The following VEPH1 variants were observed in gnomAD, a reference collection of about 807,000 sequenced individuals.
VEPH1 encodes ventricular zone-expressed PH domain-containing protein homolog 1.
Under a neutral mutation model 85.2 loss-of-function variants are expected in VEPH1, and 80 were observed. The observed-to-expected ratio is 0.94, with a 90% CI of 0.78 to 1.13. The LOEUF (loss-of-function observed/expected upper bound fraction) is 1.13, where lower values mean the gene tolerates loss of function less well. Among genes scored for constraint, VEPH1 ranks in the 50% most tolerant of loss-of-function variants. The probability of loss-of-function intolerance (pLI) is 0.00; values close to 1 mark genes in which losing one functional copy is unlikely to be tolerated. For missense variants in VEPH1, 955 were observed against 980.5 expected (o/e 0.97, Z 0.35); for synonymous variants, 297 against 348.0 (o/e 0.85, Z 1.63).
At chr3:157,338,870 T>G (rs906000547) in intron 9 of VEPH1, among the ~76,000 whole-genome samples, 7 of 152,234 alleles carry the variant, frequency 4.6e-5, no homozygotes, top group African/African-American at 1.7e-4. Context: ...GCTCCTCATT[T>G]GTTGATTCAT....
chr3:157,261,040 A>G lies in VEPH1; in HGVS notation c.*94T>C. ...ATTCCATTGGTATTTAGTAAAAAAC[A>G]ACATGGCTTGGTAAATTTAGCTCTT... On this transcript the variant is annotated 3_prime_UTR_variant, in exon 14 of 14. Transcript: ENST00000362010. 6.6e-7 allele frequency: 1 copy of G among 1,524,354 alleles called. No individual in the cohort carries two copies. The highest frequency in any genetic ancestry group is 8.8e-7 in the Non-Finnish European group (1 of 1,132,120). The allele number at this position is 1,524,354 out of a possible 1,614,324, so 94.4% of individuals were successfully genotyped here.
intron 9 of VEPH1, among the ~76,000 whole-genome samples, chr3:157,332,979 A>C (rs1722641737): frequency 6.6e-6 from 1 of 152,144 alleles, no homozygotes; most frequent in Non-Finnish European, 1.5e-5. Flanking sequence ...TACAAACAAT[A>C]CTCAAATCAG....
intron 2 of VEPH1, among the ~76,000 whole-genome samples, chr3:157,492,561 C>A (rs190328568): frequency 6.6e-6 from 1 of 152,104 alleles, no homozygotes; most frequent in Non-Finnish European, 1.5e-5. Context: ...AGAGGTGAAG[C>A]CTGGTGCTTA....
chr3:157,452,882 A>G (rs915716243), intron 4 of VEPH1, among the ~76,000 whole-genome samples: 1 of 152,168 alleles, frequency 6.6e-6, no homozygotes, highest in East Asian at 1.9e-4. Context: ...TGTTGGCAAC[A>G]GTCCTGGGTT....
At chr3:157,281,805 G>C (rs1013999103) in intron 12 of VEPH1, among the ~76,000 whole-genome samples, 1 of 152,112 alleles carries the variant, frequency 6.6e-6, no homozygotes, top group Non-Finnish European at 1.5e-5. Flanking sequence ...CAAAGTGCTG[G>C]GATTACAGGC....
At chr3:157,437,518 C>G (rs749476083) in intron 4 of VEPH1, 1 of 1,605,006 alleles carries the variant, frequency 6.2e-7, no homozygotes, top group Non-Finnish European at 8.5e-7. Flanking sequence ...TCTAGCCACG[C>G]CGTGCGCCTG....
intron 4 of VEPH1, chr3:157,442,464 AT>A (rs1734202871): frequency 6.2e-7 from 1 of 1,614,100 alleles, no homozygotes; most frequent in Non-Finnish European, 8.5e-7. Context: ...TAGTGCCTGC[AT>A]TTGGGTCAAA....
At chr3:157,431,371 T>C (rs7609926) in intron 4 of VEPH1, among the ~76,000 whole-genome samples, 89,443 of 151,966 alleles carry the variant, frequency 0.59, 26,869 homozygotes, top group African/African-American at 0.7. Context: ...AGAGGCTGCC[T>C]GAATTTCTTG....
chr3:157,374,472 C>T (rs1328659805), intron 7 of VEPH1, among the ~76,000 whole-genome samples: 1 of 152,176 alleles, frequency 6.6e-6, no homozygotes, highest in African/African-American at 2.4e-5. Context: ...TCTCTTTGTA[C>T]GAACATGTCT....
intron 7 of VEPH1, among the ~76,000 whole-genome samples, chr3:157,375,088 G>A (rs1727937990): frequency 6.6e-6 from 1 of 152,100 alleles, no homozygotes; most frequent in Non-Finnish European, 1.5e-5. Flanking sequence ...ACTCTATTAC[G>A]CTCTACTATG....
At chr3:157,301,376 GT>G (rs917691663) in intron 11 of VEPH1, among the ~76,000 whole-genome samples, 2 of 151,996 alleles carry the variant, frequency 1.3e-5, no homozygotes, top group Non-Finnish European at 2.9e-5. Flanking sequence ...GTTTTGTTTT[GT>G]TTTTTCCTGG....
At chr3:157,263,706 G>A (rs113634594) in intron 13 of VEPH1, among the ~76,000 whole-genome samples, 9 of 152,064 alleles carry the variant, frequency 5.9e-5, no homozygotes, top group African/African-American at 1.9e-4. Flanking sequence ...CTACACAGTA[G>A]GTATCACAAA....
At chr3:157,358,219 A>G (rs1725660417) in intron 9 of VEPH1, among the ~76,000 whole-genome samples, 2 of 152,196 alleles carry the variant, frequency 1.3e-5, no homozygotes, top group Admixed American at 1.3e-4. Context: ...TTTGTCAACT[A>G]AAATTCACTT....
At chr3:157,313,115 A>G (rs1309470060) in intron 11 of VEPH1, among the ~76,000 whole-genome samples, 1 of 151,774 alleles carries the variant, frequency 6.6e-6, no homozygotes, top group African/African-American at 2.4e-5. Flanking sequence ...CGTGTTAGCC[A>G]GGATGCTCTC....
intron 9 of VEPH1, among the ~76,000 whole-genome samples, chr3:157,339,167 T>C (rs1338795227): frequency 6.6e-6 from 1 of 152,124 alleles, no homozygotes; most frequent in Non-Finnish European, 1.5e-5. Flanking sequence ...AAAGTGGAGG[T>C]TATTGGAAAA....
chr3:157,297,172 A>G (rs1233398131), intron 11 of VEPH1, among the ~76,000 whole-genome samples: 2 of 152,206 alleles, frequency 1.3e-5, no homozygotes, highest in African/African-American at 4.8e-5. Flanking sequence ...TGTGTAAAAT[A>G]TAGTGTTTTT....
intron 6 of VEPH1, among the ~76,000 whole-genome samples, chr3:157,403,358 T>C (rs1448369499): frequency 6.6e-6 from 1 of 152,186 alleles, no homozygotes; most frequent in African/African-American, 2.4e-5. Context: ...CCCTCTCCCT[T>C]TATACAGGAG....
chr3:157,332,574 AT>A (rs929692301), intron 9 of VEPH1, among the ~76,000 whole-genome samples: 4 of 151,916 alleles, frequency 2.6e-5, no homozygotes, highest in Admixed American at 1.3e-4. Context: ...TCAGTATTTC[AT>A]TTTTTTTGCA....
At position 157,317,215 on chromosome 3, in the gene VEPH1, C is replaced by G. The variant is rs1720841520; in HGVS notation, c.1736-14G>C. 1 of 1,604,770 alleles carries G rather than the reference C, an allele frequency of 6.2e-7. No homozygotes were observed. Among genetic ancestry groups the G allele is most frequent in the South Asian group, 1.1e-5 (1 of 89,056 alleles). On this transcript the variant is annotated splice_polypyrimidine_tract_variant and intron_variant, in intron 9 of 13. Transcript: ENST00000362010. ...TTCTCACAGTGTCTAGAAACAAATA[C>G]ATATAGCGTTAAACGTTATGGTCTT...
Sources: gnomAD v4.1 joint callset for allele counts (sites outside exome capture counted in the v4.1 genomes callset) on GRCh38, gnomAD v4.1.1 for gene constraint, MANE v1.5 for transcripts, NCBI Gene and HGNC (gene_info 2026-07-23, HGNC 2026-07-21) for gene names.